IQCM: variants seen among roughly 807,000 people sequenced by gnomAD.
IQCM encodes IQ motif containing M, also known as IQ domain-containing protein M.
A neutral mutation model predicts 57.6 loss-of-function variants in IQCM; 45 were observed. That is an observed-to-expected ratio of 0.78 (90% CI 0.62 to 1.00). The LOEUF (loss-of-function observed/expected upper bound fraction) is 1.00. IQCM is among the 50% of genes least tolerant of loss of function. The pLI is 0.00. For missense variants in IQCM, 468 were observed against 511.6 expected (o/e 0.91, Z 0.82); for synonymous variants, 148 against 158.9 (o/e 0.93, Z 0.51).
In IQCM at chr4:149,386,901, A is replaced by G. The variant is rs578003176; in HGVS notation, c.1391-34835T>C. 2.6e-5 allele frequency among the ~76,000 whole-genome samples: 4 copies of G among 152,160 alleles called. No individual in the cohort carries two copies. The South Asian group carries it at 6.2e-4, about 24-fold the overall frequency. ...AAAGGTTTTAATAGGTTCAGATTTA[A>G]TATCTTTTTGTATCTCCCTTTACCA... On this transcript the variant is annotated intron_variant, in intron 13 of 13. Transcript: ENST00000636793.
chr4:149,626,845 C>T (rs866037517), intron 7 of IQCM, among the ~76,000 whole-genome samples: 9 of 151,890 alleles, frequency 5.9e-5, no homozygotes, highest in Non-Finnish European at 1.2e-4. Flanking sequence ...TTGAGGAAAG[C>T]AATCAGTGAC....
At chr4:149,815,516 G>T (rs1282976849) in intron 1 of IQCM, 84 bp downstream of exon 1, 1 of 151,762 alleles carries the variant, frequency 6.6e-6, no homozygotes, top group African/African-American at 2.4e-5. Flanking sequence ...AAAAAAATGT[G>T]CCTTGCAGAA....
chr4:149,379,699 G>C (rs767755436), intron 13 of IQCM, among the ~76,000 whole-genome samples: 8 of 152,154 alleles, frequency 5.3e-5, no homozygotes, highest in Non-Finnish European at 1.2e-4. Context: ...TCTTAGATAA[G>C]ACTTTGGACT....
chr4:149,510,192 G>T (rs7672763), intron 12 of IQCM, among the ~76,000 whole-genome samples: 1 of 151,972 alleles, frequency 6.6e-6, no homozygotes, highest in Non-Finnish European at 1.5e-5. Context: ...GTTAAAAAGC[G>T]ATTATCTCAT....
chr4:149,468,909 G>C (rs974515940), intron 12 of IQCM, among the ~76,000 whole-genome samples: 5 of 152,148 alleles, frequency 3.3e-5, no homozygotes, highest in Admixed American at 1.3e-4. Flanking sequence ...TGCAGCTGTG[G>C]GTCCTGACTG....
chr4:149,464,368 C>G (rs1303548304), intron 12 of IQCM, among the ~76,000 whole-genome samples: 1 of 152,144 alleles, frequency 6.6e-6, no homozygotes, highest in Non-Finnish European at 1.5e-5. Context: ...TCCTATCCCG[C>G]AAACTAAATT....
At chr4:149,792,752 T>C (rs894677481) in intron 2 of IQCM, among the ~76,000 whole-genome samples, 3 of 152,172 alleles carry the variant, frequency 2.0e-5, no homozygotes, top group Non-Finnish European at 4.4e-5. Context: ...TACTATATCA[T>C]TTCCAGATAT....
intron 5 of IQCM, among the ~76,000 whole-genome samples, chr4:149,731,884 CA>C: frequency 6.6e-6 from 1 of 152,098 alleles, no homozygotes; most frequent in Admixed American, 6.5e-5. Context: ...TGTTTCTAAC[CA>C]AAGAACCCTT....
At chr4:149,590,247 C>CTTTTTTT (rs71596214) in intron 8 of IQCM, among the ~76,000 whole-genome samples, 4 of 73,630 alleles carry the variant, frequency 5.4e-5, no homozygotes, top group Non-Finnish European at 7.8e-5. Flanking sequence ...TTTTTCTTTC[C>CTTTTTTT]TTTTTTTTTT....
Position 149,761,717 on chromosome 4 carries a change from A to G in IQCM, c.-48-18978T>C, listed in dbSNP as rs551282078. ...AGTTCCTACGAAGAGTCTCTAATAC[A>G]AGTGTTCAAAACTATTTGCAAAACA... On this transcript the variant is annotated intron_variant, in intron 2 of 13. Coordinates refer to ENST00000636793, the MANE Select transcript of IQCM (RefSeq NM_001363507.2). 1.5e-4 allele frequency among the ~76,000 whole-genome samples: 23 copies of G among 152,214 alleles called. No homozygotes were observed. In the South Asian group the frequency reaches 4.8e-3, roughly 32 times the overall value.
intron 9 of IQCM, among the ~76,000 whole-genome samples, chr4:149,577,670 C>T (rs963891935): frequency 2.9e-3 from 8 of 2,780 alleles, no homozygotes; most frequent in Admixed American, 9.1e-3. Context: ...TGTGATGCCT[C>T]TAGTTTGTTC....
At chr4:149,505,305 T>G (rs553562743) in intron 12 of IQCM, among the ~76,000 whole-genome samples, 1 of 152,336 alleles carries the variant, frequency 6.6e-6, no homozygotes, top group Non-Finnish European at 1.5e-5. Flanking sequence ...AATCTTTGTT[T>G]GACATATCTA....
intron 5 of IQCM, among the ~76,000 whole-genome samples, chr4:149,720,993 G>A (rs1001122912): frequency 2.0e-5 from 3 of 151,962 alleles, no homozygotes; most frequent in Admixed American, 6.6e-5. Flanking sequence ...AAATTCTTCC[G>A]AGTAATTTTG....
intron 5 of IQCM, among the ~76,000 whole-genome samples, chr4:149,714,325 A>G (rs1468883111): frequency 6.6e-6 from 1 of 152,086 alleles, no homozygotes; most frequent in African/African-American, 2.4e-5. Context: ...AATACTCCAC[A>G]GCTTACTACT....
intron 12 of IQCM, among the ~76,000 whole-genome samples, chr4:149,467,657 C>T (rs778409357): frequency 6.6e-6 from 1 of 152,194 alleles, no homozygotes; most frequent in Non-Finnish European, 1.5e-5. Context: ...CAAGGTCTTG[C>T]TATACCAGTA....
At chr4:149,354,500 T>C (rs1258257088) in intron 13 of IQCM, among the ~76,000 whole-genome samples, 1 of 151,948 alleles carries the variant, frequency 6.6e-6, no homozygotes, top group Non-Finnish European at 1.5e-5. Context: ...TTACGACAGT[T>C]ATACTAGAAA....
intron 12 of IQCM, among the ~76,000 whole-genome samples, chr4:149,441,908 A>C (rs1332428130): frequency 6.6e-6 from 1 of 152,114 alleles, no homozygotes; most frequent in Non-Finnish European, 1.5e-5. Flanking sequence ...TTAATGCCCT[A>C]GGTTCAGCCC....
chr4:149,601,383 T>A (rs1423436882), intron 8 of IQCM, among the ~76,000 whole-genome samples: 3 of 152,022 alleles, frequency 2.0e-5, no homozygotes, highest in Admixed American at 2.0e-4. Flanking sequence ...AATGACACAA[T>A]GAAACAAAAC....
In IQCM at chr4:149,563,795, T is replaced by C; in HGVS notation, c.845A>G (p.Lys282Arg). The C allele has an allele frequency of 8.1e-7, 1 of 1,232,088 alleles. No individual in the cohort carries two copies. Among genetic ancestry groups the C allele is most frequent in the Non-Finnish European group, 1.0e-6 (1 of 987,928 alleles). The allele number at this position is 1,232,088 out of a possible 1,614,324, so 76.3% of individuals were successfully genotyped here. A position where few individuals can be genotyped will look rare whatever the true frequency, so the allele number is the denominator to read the frequency against. Reference sequence around the variant, plus strand: ...CAATTTTGGGGTAATCATGAATTTTTTTCTTTCTCGGAACACTTGGAAGAT... The same window carrying C: ...CAATTTTGGGGTAATCATGAATTTTCTTCTTTCTCGGAACACTTGGAAGAT... ...IEIFQVFRER[K>R]KFMITPKLIR... The change falls in exon 10 of 14, where the codon AAA becomes AGA. Residue 282 changes from lysine (K) to arginine (R), a missense_variant. Lys to Arg is a conservative substitution (Grantham distance 26). Coordinates refer to ENST00000636793, the MANE Select transcript of IQCM (RefSeq NM_001363507.2).
Sources: gnomAD v4.1 joint callset for allele counts (sites outside exome capture counted in the v4.1 genomes callset) on GRCh38, gnomAD v4.1.1 for gene constraint, MANE v1.5 for transcripts, NCBI Gene and HGNC (gene_info 2026-07-23, HGNC 2026-07-21) for gene names.